Variants in MET observed in about 807,000 individuals in gnomAD.
MET encodes MET proto-oncogene, receptor tyrosine kinase.
A neutral mutation model predicts 133.1 loss-of-function variants in MET; 48 were observed. That is an observed-to-expected ratio of 0.36 (90% CI 0.29 to 0.46). MET has a LOEUF of 0.46. Among genes scored for constraint, MET ranks in the 20% least tolerant of loss-of-function variants. MET has a pLI of 1.00. For synonymous variants in MET, 628 were observed against 616.5 expected, an observed-to-expected ratio of 1.02 and a Z score of -0.28; for missense variants, 1,442 against 1,695.9, an observed-to-expected ratio of 0.85 and a Z score of 2.63.
At chr7:116,781,943 C>A (rs1795167509) in intron 17 of MET, 45 bp from the exon 18 acceptor site, 2 of 1,158,528 alleles carry the variant, frequency 1.7e-6, no homozygotes, top group South Asian at 2.5e-5. Context: ...AAAATTAGAA[C>A]AGTAGATGCT....
intron 15 of MET, among the ~76,000 whole-genome samples, chr7:116,775,694 G>A (rs1391540049): frequency 3.9e-5 from 6 of 152,132 alleles, no homozygotes; most frequent in South Asian, 2.1e-4. Context: ...GCAGCAGAGC[G>A]AGACTCCATG....
chr7:116,778,606 G>A (rs532014509), intron 16 of MET, among the ~76,000 whole-genome samples, 170 bp from the exon 17 acceptor site: 72 of 152,268 alleles, frequency 4.7e-4, no homozygotes, highest in African/African-American at 1.3e-3. Context: ...CACAGTGCAC[G>A]GTGGCATCAT....
intron 14 of MET, 63 bp downstream of exon 14, chr7:116,772,052 G>A (rs2116999188): frequency 6.3e-7 from 1 of 1,582,378 alleles, no homozygotes; most frequent in Non-Finnish European, 8.7e-7. Context: ...TTGTGACATT[G>A]TTGTTTATTT....
intron 2 of MET, among the ~76,000 whole-genome samples, chr7:116,721,975 G>T (rs923492230): frequency 5.3e-5 from 8 of 150,534 alleles, no homozygotes; most frequent in Non-Finnish European, 1.0e-4. Flanking sequence ...ATTTGGGGTG[G>T]AGAGTTCTGT....
chr7:116,753,548 T>A (rs1794011631), intron 5 of MET, among the ~76,000 whole-genome samples: 1 of 152,160 alleles, frequency 6.6e-6, no homozygotes, highest in African/African-American at 2.4e-5. Flanking sequence ...ATACCAGAAA[T>A]GAGTCTGCAA....
intron 1 of MET, among the ~76,000 whole-genome samples, chr7:116,693,608 T>G (rs536106097): frequency 5.9e-5 from 9 of 152,362 alleles, no homozygotes; most frequent in Admixed American, 5.2e-4. Flanking sequence ...CATGATTGAT[T>G]GATTGGTAAG....
In MET at chr7:116,763,052, A is replaced by G. The variant is rs910873191; in HGVS notation, c.2367A>G (p.Ala789=). ...TGGATAATTGTGTCTTTCTCTAGGC[A>G]TGTCAACATCGCTCTAATTCAGAGA... The part of the protein sequence containing the change: ...VHEAGRNFTV[A]CQHRSNSEII... The change falls in exon 11 of 21, where the codon GCA becomes GCG. Residue 789 remains alanine (A), a splice_region_variant and synonymous_variant. Transcript: ENST00000397752. 8.1e-6 allele frequency: 13 copies of G among 1,613,386 alleles called. No individual in the cohort carries two copies. Among genetic ancestry groups the G allele is most frequent in the South Asian group, 1.1e-5 (1 of 91,078 alleles).
In MET at chr7:116,778,031, G is replaced by A. The variant is rs577996339; in HGVS notation, c.3340+562G>A. ...TGAAACCTACCCCTTTTTAATGCTG[G>A]AACATTACTTAAAATTTTAGCTGTT... On this transcript the variant is annotated intron_variant, in intron 16 of 20. Transcript: ENST00000397752. Among the ~76,000 whole-genome samples the A allele has an allele frequency of 4.3e-4, 66 of 152,160 alleles. 1 individual carries two copies. The highest frequency in any genetic ancestry group is 1.5e-3 in the African/African-American group (63 of 41,506).
chr7:116,742,471 A>G (rs1339119523), intron 5 of MET, among the ~76,000 whole-genome samples: 1 of 152,244 alleles, frequency 6.6e-6, no homozygotes, highest in African/African-American at 2.4e-5. Context: ...ATTCCATGAA[A>G]TAGATATGGA....
At position 116,774,926 on chromosome 7, in the gene MET, A is replaced by G. The variant is rs1794947477; in HGVS notation, c.3074A>G (p.Gln1025Arg). Residue 1025 changes from glutamine to arginine, a missense_variant, in exon 15 of 21, where the codon CAG (glutamine) becomes CGG (arginine). By Grantham distance (43) the Gln-to-Arg change is conservative (BLOSUM62 1). This residue lies in a region of MET where 514 missense variants were observed against 659.6 expected (regional missense o/e 0.78). Coordinates refer to ENST00000397752, the MANE Select transcript of MET (RefSeq NM_000245.4). ...SSQNGSCRQVQYPLTDMSPIL... is the reference protein window; with the variant it reads ...SSQNGSCRQVRYPLTDMSPIL... ...CAGAACGGTTCATGCCGACAAGTGC[A>G]GTATCCTCTGACAGACATGTCCCCC... 1 of 1,614,214 alleles carries G rather than the reference A, an allele frequency of 6.2e-7. No individual in the cohort carries two copies. The highest frequency in any genetic ancestry group is 8.5e-7 in the Non-Finnish European group (1 of 1,180,006).
chr7:116,763,474 T>G (rs1164863045), intron 11 of MET, among the ~76,000 whole-genome samples: 1 of 152,234 alleles, frequency 6.6e-6, no homozygotes, highest in Non-Finnish European at 1.5e-5. Flanking sequence ...TAAAAAACCC[T>G]TTCTTGTGTA....
In MET at chr7:116,774,897, A is replaced by G. The variant is rs1794946463; in HGVS notation, c.3045A>G (p.Ser1015=). 6.2e-7 allele frequency: 1 copy of G among 1,614,026 alleles called. No individual in the cohort carries two copies. Among genetic ancestry groups the G allele is most frequent in the Non-Finnish European group, 8.5e-7 (1 of 1,179,960 alleles). Residue 1015 remains serine, a synonymous_variant, in exon 15 of 21, where the codon TCA becomes TCG. Transcript: ENST00000397752. ...ATCTTACAGATCAGTTTCCTAATTC[A>G]TCTCAGAACGGTTCATGCCGACAAG... ...ATFPEDQFPN[S]SQNGSCRQVQ... is the part of the protein sequence containing the mutation.
At chr7:116,712,890 C>A (rs1008830512) in intron 2 of MET, among the ~76,000 whole-genome samples, 4 of 152,208 alleles carry the variant, frequency 2.6e-5, no homozygotes, top group Admixed American at 1.3e-4. Context: ...AATACTTTCT[C>A]TGCTCCCGTA....
intron 1 of MET, among the ~76,000 whole-genome samples, chr7:116,692,530 A>G (rs2116543917): frequency 6.6e-6 from 1 of 152,356 alleles, no homozygotes; most frequent in South Asian, 2.1e-4. Context: ...ATTTGAATGT[A>G]TCGCTAGATT....
intron 1 of MET, among the ~76,000 whole-genome samples, chr7:116,675,958 G>A (rs926438171): frequency 2.6e-5 from 4 of 151,958 alleles, no homozygotes; most frequent in Admixed American, 2.6e-4. Context: ...AGTATATTCC[G>A]CTTGGGATTT....
intron 5 of MET, among the ~76,000 whole-genome samples, chr7:116,751,787 C>T (rs544959126): frequency 5.0e-4 from 76 of 152,142 alleles, no homozygotes; most frequent in Middle Eastern, 3.4e-3. Flanking sequence ...TCAGGCCGGG[C>T]GTGGTGGCTC....
chr7:116,780,448 C>G (rs1041400087), intron 17 of MET, among the ~76,000 whole-genome samples: 9 of 152,182 alleles, frequency 5.9e-5, no homozygotes, highest in East Asian at 1.9e-4. Context: ...ATTGACCTTA[C>G]AAAGCACACA....
chr7:116,761,035 A>G (rs1794383103), intron 10 of MET, among the ~76,000 whole-genome samples: 1 of 152,202 alleles, frequency 6.6e-6, no homozygotes, highest in African/African-American at 2.4e-5. Context: ...TAGTTTATCT[A>G]ATTAATGCTG....
chr7:116,795,587 A>C, intron 19 of MET, 68 bp from the exon 20 acceptor site: 1 of 1,607,378 alleles, frequency 6.2e-7, no homozygotes, highest in Admixed American at 1.7e-5. Context: ...ACCAAGACCT[A>C]CTGATTTCCT....
Sources: gnomAD v4.1 joint callset for allele counts (sites outside exome capture counted in the v4.1 genomes callset) on GRCh38, gnomAD v4.1.1 for gene constraint, gnomAD v4.1.1 regional missense constraint, MANE v1.5 for transcripts, NCBI Gene and HGNC (gene_info 2026-07-23, HGNC 2026-07-21) for gene names.